CITED1: variants seen among roughly 807,000 people sequenced by gnomAD.
CITED1 encodes Cbp/p300 interacting transactivator with ED-rich tail 1.
CITED1 carries 3 observed loss-of-function variants against 8.5 expected under a neutral mutation model. That is an observed-to-expected ratio of 0.35 (90% CI 0.16 to 0.91). The LOEUF is 0.91. CITED1 is among the 40% of genes least tolerant of loss of function. The pLI is 0.46. For synonymous variants in CITED1, 54 were observed against 67.4 expected (o/e 0.80, Z 0.97); for missense variants, 113 against 154.8 (o/e 0.73, Z 1.43).
At chrX:72,305,303 G>A (rs1443917744) in intron 1 of CITED1, 3 of 1,166,487 alleles carry the variant, frequency 2.6e-6, no homozygotes, top group African/African-American at 3.5e-5. Flanking sequence ...GGCACCAACC[G>A]GATGGTTCCA....
Position 72,302,855 on chromosome X carries a change from C to T in CITED1, c.15G>A (p.Ser5=), listed in dbSNP as rs768053440. The T allele has an allele frequency of 9.9e-6, 12 of 1,210,959 alleles. No individual in the cohort carries two copies. The South Asian group carries it at 1.4e-4, about 14-fold the overall frequency. The stretch of plus-strand genomic sequence containing the variant: ...CACCCTTGACATCAAGTGCAGGCCT[C>T]GACGTTGTTGGCATTTCAGAGCCTT... The part of the protein sequence containing the change: MPTT[S]RPALDVKGGT... Residue 5 remains serine, a synonymous_variant, in exon 2 of 3, where the codon TCG becomes TCA. Coordinates refer to ENST00000651998, the MANE Select transcript of CITED1 (RefSeq NM_001144887.2).
At chrX:72,304,035 C>T in intron 1 of CITED1, 2 of 365,070 alleles carry the variant, frequency 5.5e-6, no homozygotes, top group Non-Finnish European at 6.9e-6. Flanking sequence ...GGCAACATAG[C>T]GGGACCCTAT....
At chrX:72,302,770 T>G (rs778876690) in intron 2 of CITED1, 40 bp downstream of exon 2, 22 of 1,163,499 alleles carry the variant, frequency 1.9e-5, no homozygotes, top group Admixed American at 9.8e-5. Context: ...CCCGGAAAAT[T>G]TGTCTTTCCC....
At chrX:72,306,947 A>T (rs1489296101), upstream of CITED1, 1 of 107,113 alleles carries the variant, frequency 9.3e-6, no homozygotes, top group African/African-American at 3.4e-5. Flanking sequence ...CCACGTCTTT[A>T]TAACCGGCTT....
upstream of CITED1, chrX:72,306,758 C>CGGGGCG (rs1178630421): frequency 2.0e-5 from 2 of 101,274 alleles, no homozygotes; most frequent in African/African-American, 7.1e-5. Flanking sequence ...CGCCGGACTC[C>CGGGGCG]GGGGCGGTGG....
chrX:72,302,363 A>C (rs1245553196), intron 2 of CITED1, 119 bp from the exon 3 acceptor site: 15 of 871,457 alleles, frequency 1.7e-5, no homozygotes, highest in Non-Finnish European at 2.4e-5. Flanking sequence ...GAGAGGTAGC[A>C]AGACGACCCC....
At chrX:72,302,374 C>T (rs912369376) in intron 2 of CITED1, 130 bp from the exon 3 acceptor site, 2 of 827,785 alleles carry the variant, frequency 2.4e-6, no homozygotes, top group Non-Finnish European at 3.4e-6. Context: ...AGACGACCCC[C>T]TTGAAAATTA....
At position 72,301,879 on chromosome X, in the gene CITED1, G is replaced by A; in HGVS notation, c.426C>T (p.Ala142=). The change falls in exon 3 of 3, where the codon GCC becomes GCT. Residue 142 remains alanine (A), a synonymous_variant. Transcript: ENST00000651998. ...GAESLSPSAG[A]QSPAIIDSDP... ...CCGAATCGATGATAGCAGGGCTCTG[G>A]GCACCAGCAGAAGGAGAGAGTGATT... 4.1e-6 allele frequency: 5 copies of A among 1,212,023 alleles called. No individual in the cohort carries two copies. The highest frequency in any genetic ancestry group is 5.6e-6 in the Non-Finnish European group (5 of 895,582).
In CITED1 at chrX:72,301,810, C is replaced by G. The variant is rs2043289103; in HGVS notation, c.495G>C (p.Leu165=). The change falls in exon 3 of 3, where the codon CTG becomes CTC. Residue 165 remains leucine (L), a synonymous_variant. Transcript: ENST00000651998. ...GAAGCTCATTGGCTCGGTCCAACCC[C>G]AGTTCCACCACCAGCGACATCAGCA... ...EEVLMSLVVE[L]GLDRANELPE... 8.3e-7 allele frequency: 1 copy of G among 1,210,451 alleles called. No homozygotes were observed. The highest frequency in any genetic ancestry group is 1.7e-5 in the African/African-American group (1 of 57,232).
chrX:72,306,273 G>A (rs1326502120), upstream of CITED1, among the ~76,000 whole-genome samples: 1 of 110,668 alleles, frequency 9.0e-6, no homozygotes, highest in Non-Finnish European at 1.9e-5. Context: ...GGCCGGCAGG[G>A]GGGCGCGCTG....
chrX:72,302,771 T>A (rs1253344021), intron 2 of CITED1, 39 bp downstream of exon 2: 3 of 1,164,861 alleles, frequency 2.6e-6, no homozygotes, highest in East Asian at 6.3e-5. Context: ...CCGGAAAATT[T>A]GTCTTTCCCT....
intron 1 of CITED1, among the ~76,000 whole-genome samples, chrX:72,304,317 G>A (rs1424704016): frequency 1.8e-5 from 2 of 110,909 alleles, no homozygotes; most frequent in South Asian, 3.8e-4. Context: ...GTAGGGGAGG[G>A]AAAAAATAGA....
Position 72,301,774 on chromosome X carries a change from C to T in CITED1, c.531G>A (p.Trp177Ter). Residue 177 changes from tryptophan to a stop codon, truncating the protein, a stop_gained, in exon 3 of 3, where the codon TGG becomes TGA. Transcript: ENST00000651998. LOFTEE classifies it high-confidence loss of function. ...LDRANELPEL[W>*]LGQNEFDFTA... is the part of the protein sequence containing the mutation. ...TGAAGTCAAACTCATTCTGCCCCAG[C>T]CACAGCTCCGGAAGCTCATTGGCTC... is the stretch of plus-strand genomic sequence containing the variant. 8.2e-7 allele frequency: 1 copy of T among 1,212,224 alleles called. No individual in the cohort carries two copies. Among genetic ancestry groups the T allele is most frequent in the Non-Finnish European group, 1.1e-6 (1 of 895,602 alleles).
chrX:72,301,946 G>A lies in CITED1; in HGVS notation c.359C>T (p.Pro120Leu), dbSNP rs757687357. The A allele has an allele frequency of 5.8e-6, 7 of 1,210,838 alleles. No homozygotes were observed. In the East Asian group the frequency reaches 1.8e-4, roughly 31 times the overall value. The change falls in exon 3 of 3, where the codon CCC becomes CTC. Residue 120 changes from proline to leucine, a missense_variant. Pro to Leu is a moderately conservative substitution (Grantham distance 98). Transcript: ENST00000651998. ...GGCCCCAAAGTCCCAGTTTTGCAGG[G>A]GTCCTGCCTCCCCGGGTTGGCCTGG... The part of the protein sequence containing the change: ...ATPGQPGEAG[P>L]LQNWDFGAQA...
rs185818824 is a variant in CITED1 at position 72,303,914 on chromosome X, G to A, written c.-65-980C>T. The stretch of plus-strand genomic sequence containing the variant: ...ATTTTCCTGGAGGCCTGTTTACAAA[G>A]AAGAAAAAAATGTCCCATAGCTAGG... On this transcript the variant is annotated intron_variant, in intron 1 of 2. Transcript: ENST00000651998. 6.8e-3 allele frequency among the ~76,000 whole-genome samples: 753 copies of A among 110,825 alleles called. 10 individuals carry two copies. Among genetic ancestry groups the A allele is most frequent in the African/African-American group, 0.024 (716 of 30,460 alleles).
chrX:72,304,647 A>G (rs1240493036), intron 1 of CITED1, among the ~76,000 whole-genome samples: 1 of 111,985 alleles, frequency 8.9e-6, no homozygotes, highest in Non-Finnish European at 1.9e-5. Flanking sequence ...CAGGAGCAGC[A>G]GCAACAACAG....
upstream of CITED1, chrX:72,307,028 G>C (rs2043348628): frequency 9.1e-6 from 1 of 109,700 alleles, no homozygotes; most frequent in African/African-American, 3.3e-5. Flanking sequence ...TACTCACGGA[G>C]GGCCCGCGCG....
chrX:72,305,611 C>G (rs2043329748), intron 1 of CITED1: 1 of 240,518 alleles, frequency 4.2e-6, no homozygotes, highest in Middle Eastern at 1.3e-3. Flanking sequence ...GATGGACAGG[C>G]AGGAAGGGGC....
chrX:72,303,355 A>G (rs1204099436), intron 1 of CITED1, among the ~76,000 whole-genome samples: 1 of 112,178 alleles, frequency 8.9e-6, no homozygotes, highest in Non-Finnish European at 1.9e-5. Flanking sequence ...GGACTGGGAG[A>G]ATGTGAGAAG....
Sources: allele counts gnomAD v4.1 joint callset (sites outside exome capture counted in the v4.1 genomes callset), GRCh38; gene constraint gnomAD v4.1.1; transcripts MANE v1.5; gene names NCBI Gene and HGNC (gene_info 2026-07-23, HGNC 2026-07-21).